The following PDE10A variants were observed in gnomAD, a reference collection of about 807,000 sequenced individuals.
PDE10A encodes cAMP and cAMP-inhibited cGMP 3',5'-cyclic phosphodiesterase 10A.
In PDE10A, 39 loss-of-function variants were observed where a neutral mutation model predicts 97.7. The observed-to-expected ratio is 0.40, with a 90% confidence interval of 0.31 to 0.52. The LOEUF is 0.52. Among genes scored for constraint, PDE10A ranks in the 20% least tolerant of loss-of-function variants. PDE10A has a pLI of 0.56. For synonymous variants in PDE10A, 371 were observed against 376.8 expected (o/e 0.98, Z 0.18); for missense variants, 731 against 1,047.8 (o/e 0.70, Z 4.17).
chr6:165,479,587 T>G (rs545956146), intron 3 of PDE10A, among the ~76,000 whole-genome samples: 1 of 152,332 alleles, frequency 6.6e-6, no homozygotes, highest in South Asian at 2.1e-4. Context: ...TATTCTTCCA[T>G]GTATTCATCA....
At chr6:165,399,543 TTTA>T in intron 13 of PDE10A, among the ~76,000 whole-genome samples, 1 of 152,172 alleles carries the variant, frequency 6.6e-6, no homozygotes, top group Non-Finnish European at 1.5e-5. Context: ...CAACCCGTCA[TTTA>T]ACATTAGGTA....
At chr6:165,567,195 A>G (rs1339616810) in intron 1 of PDE10A, among the ~76,000 whole-genome samples, 1 of 152,216 alleles carries the variant, frequency 6.6e-6, no homozygotes, top group Non-Finnish European at 1.5e-5. Context: ...AACCAGACAC[A>G]AAAGATAAAT....
At chr6:165,502,065 C>T (rs990478247) in intron 2 of PDE10A, among the ~76,000 whole-genome samples, 1 of 152,114 alleles carries the variant, frequency 6.6e-6, no homozygotes, top group African/African-American at 2.4e-5. Context: ...ACAAATGGTG[C>T]TGGAAGAAAT....
chr6:165,598,218 T>C (rs1409678153), intron 1 of PDE10A, among the ~76,000 whole-genome samples: 2 of 152,260 alleles, frequency 1.3e-5, no homozygotes, highest in African/African-American at 4.8e-5. Context: ...GTGGAAATTA[T>C]TGTTACAAAG....
At chr6:165,581,052 T>C (rs1277388278) in intron 1 of PDE10A, among the ~76,000 whole-genome samples, 1 of 152,228 alleles carries the variant, frequency 6.6e-6, no homozygotes, top group African/African-American at 2.4e-5. Context: ...TAAAAATAAA[T>C]ATTAATTTCC....
chr6:165,649,876 T>G (rs1789588505), intron 1 of PDE10A, among the ~76,000 whole-genome samples: 1 of 152,200 alleles, frequency 6.6e-6, no homozygotes, highest in South Asian at 2.1e-4. Context: ...AGCTCTCCAG[T>G]GGTTTAAACG....
chr6:165,693,014 C>A (rs1791346087), intron 1 of PDE10A, among the ~76,000 whole-genome samples: 1 of 152,022 alleles, frequency 6.6e-6, no homozygotes, highest in Admixed American at 6.6e-5. Context: ...GTCTGGATAA[C>A]CATTAACAGC....
In PDE10A at chr6:165,671,137, A is replaced by ATTT. The variant is rs34532096; in HGVS notation, c.-614-127572_-614-127570dup. On this transcript the variant is annotated intron_variant, in intron 1 of 19. Coordinates refer to the PDE10A transcript ENST00000366882. This position sits in a 1 kb window ranked among gnomAD's most constrained non-coding sequence, Gnocchi z 4.6. ...CCCTTTTTGGGTAAAACGTTCACTA[A>ATTT]TTTTTTTTTTTTTAAGAATCAACAA... Among the ~76,000 whole-genome samples, 4 of 149,362 alleles carry ATTT rather than the reference A, an allele frequency of 2.7e-5. No individual in the cohort carries two copies. The highest frequency in any genetic ancestry group is 9.8e-5 in the African/African-American group (4 of 40,702).
At chr6:165,382,959 A>G (rs1473611773) in intron 17 of PDE10A, among the ~76,000 whole-genome samples, 2 of 152,214 alleles carry the variant, frequency 1.3e-5, no homozygotes, top group African/African-American at 4.8e-5. Flanking sequence ...TATAAGTACA[A>G]TAATTTTGCT....
chr6:165,626,479 T>C (rs1302435134), intron 1 of PDE10A, among the ~76,000 whole-genome samples: 1 of 152,182 alleles, frequency 6.6e-6, no homozygotes. Context: ...GAAATAACTA[T>C]TTAAATAGCA....
intron 1 of PDE10A, among the ~76,000 whole-genome samples, chr6:165,652,011 C>G (rs1233792332): frequency 6.6e-6 from 1 of 152,166 alleles, no homozygotes; most frequent in East Asian, 1.9e-4. Flanking sequence ...GTCTACCTAT[C>G]CACATGCCAG....
intron 1 of PDE10A, among the ~76,000 whole-genome samples, chr6:165,889,890 TCCTCCCTC>T (rs1248387294): frequency 9.5e-5 from 4 of 41,950 alleles, no homozygotes; most frequent in Non-Finnish European, 1.9e-4. Flanking sequence ...CCTCACTCAC[TCCTCCCTC>T]CCTCCCTCCT....
At chr6:165,450,993 T>C (rs1335265276) in intron 3 of PDE10A, among the ~76,000 whole-genome samples, 1 of 152,244 alleles carries the variant, frequency 6.6e-6, no homozygotes, top group Non-Finnish European at 1.5e-5. Flanking sequence ...GTAAAAATAA[T>C]ATCATACAAG....
At position 165,388,548 on chromosome 6, in the gene PDE10A, T is replaced by A. The variant is rs886700299; in HGVS notation, c.2455-95A>T. 9.1e-7 allele frequency: 1 copy of A among 1,094,666 alleles called. No individual in the cohort carries two copies. Among genetic ancestry groups the A allele is most frequent in the Admixed American group, 1.7e-5 (1 of 57,740 alleles). The allele number at this position is 1,094,666 out of a possible 1,614,324, so 67.8% of individuals were successfully genotyped here. A position where few individuals can be genotyped will look rare whatever the true frequency, so the allele number is the denominator to read the frequency against. Reference sequence around the variant, plus strand: ...ATTCATGTCACATTACTTTCTGGCATTAATATAGCACAAATACAGCATTCT... The same window carrying A: ...ATTCATGTCACATTACTTTCTGGCAATAATATAGCACAAATACAGCATTCT... On this transcript the variant is annotated intron_variant, in intron 16 of 21. Transcript: ENST00000539869. The surrounding 1 kb of genome is among the most constrained non-coding windows in gnomAD (Gnocchi z 4.0).
chr6:165,334,026 C>T (rs747982398), intron 21 of PDE10A, among the ~76,000 whole-genome samples: 16 of 152,224 alleles, frequency 1.1e-4, no homozygotes, highest in Admixed American at 2.6e-4. Context: ...ACTTTTGTAA[C>T]ATATCATCAA....
intron 1 of PDE10A, among the ~76,000 whole-genome samples, chr6:165,732,669 G>A (rs1054790555): frequency 2.0e-5 from 3 of 152,234 alleles, no homozygotes; most frequent in Non-Finnish European, 4.4e-5. Flanking sequence ...ATTTCCAGAT[G>A]AGGCAACTTG....
chr6:165,620,644 G>T (rs1282929244), intron 1 of PDE10A, among the ~76,000 whole-genome samples: 1 of 152,186 alleles, frequency 6.6e-6, no homozygotes, highest in Non-Finnish European at 1.5e-5. Flanking sequence ...TGCTTCACCT[G>T]GTGGCAAGGA....
intron 1 of PDE10A, among the ~76,000 whole-genome samples, chr6:165,968,189 G>A (rs1448521485): frequency 6.6e-6 from 1 of 152,218 alleles, no homozygotes; most frequent in Non-Finnish European, 1.5e-5. Flanking sequence ...GAGAAACTAG[G>A]AGAAGATGAC....
intron 1 of PDE10A, chr6:165,781,434 G>A (rs1778339056): frequency 6.6e-6 from 1 of 152,252 alleles, no homozygotes; most frequent in African/African-American, 2.4e-5. Context: ...GGGATTTACA[G>A]GTAGAGAAAG....
Sources: gnomAD v4.1 joint callset for allele counts (sites outside exome capture counted in the v4.1 genomes callset) on GRCh38, gnomAD v4.1.1 for gene constraint, Gnocchi (gnomAD v3.1) non-coding constraint, MANE v1.5 for transcripts, NCBI Gene and HGNC (gene_info 2026-07-23, HGNC 2026-07-21) for gene names.